Variants in TRAM1 observed in about 807,000 individuals in gnomAD.
TRAM1 encodes the protein translocation associated membrane protein 1, also known as translocating chain-associated membrane protein 1.
In TRAM1, 17 loss-of-function variants were observed where a neutral mutation model predicts 48.7. That is an observed-to-expected ratio of 0.35 (90% CI 0.24 to 0.52). The LOEUF is 0.52. Ranked by LOEUF, TRAM1 falls within the 20% of genes least tolerant of loss-of-function variation. The pLI is 0.94. For synonymous variants in TRAM1, 182 were observed against 154.0 expected, an observed-to-expected ratio of 1.18 and a Z score of -1.34; for missense variants, 351 against 441.5, an observed-to-expected ratio of 0.79 and a Z score of 1.84.
rs114406172 is a variant in TRAM1 at position 70,580,243 on chromosome 8, A to G, written c.1051+2921T>C. Among the ~76,000 whole-genome samples, 1,518 of 152,320 alleles carry G rather than the reference A, an allele frequency of 1.0e-2. 22 individuals carry two copies. Among genetic ancestry groups the G allele is most frequent in the African/African-American group, 0.035 (1,437 of 41,562 alleles). On this transcript the variant is annotated intron_variant, in intron 10 of 10. Transcript: ENST00000262213. ...ATCTTGATACTAAAACCAGACAACG[A>G]TGTTGCAAGAAAAATATACTCCAAT...
intron 9 of TRAM1, 75 bp downstream of exon 9, chr8:70,583,572 AGAT>A: frequency 6.6e-7 from 1 of 1,524,250 alleles, no homozygotes; most frequent in Non-Finnish European, 8.8e-7. Flanking sequence ...ATCCTTTTTT[AGAT>A]GATTCAATGT....
chr8:70,597,750 GTA>G, intron 4 of TRAM1, 143 bp downstream of exon 4: 1 of 370,342 alleles, frequency 2.7e-6, no homozygotes, highest in Non-Finnish European at 4.7e-6. Flanking sequence ...TTCTGAAACA[GTA>G]AACATAGTTT....
At chr8:70,602,780 C>T (rs1180311787) in intron 1 of TRAM1, among the ~76,000 whole-genome samples, 1 of 152,060 alleles carries the variant, frequency 6.6e-6, no homozygotes, top group East Asian at 1.9e-4. Context: ...AATTGAGAGG[C>T]ACCGAAAAGG....
At chr8:70,582,438 C>A (rs576399065) in intron 10 of TRAM1, among the ~76,000 whole-genome samples, 1 of 150,476 alleles carries the variant, frequency 6.6e-6, no homozygotes, top group African/African-American at 2.4e-5. Flanking sequence ...GGACTACAGG[C>A]ACCCCCCACT....
intron 2 of TRAM1, among the ~76,000 whole-genome samples, chr8:70,599,646 T>C (rs1410769378): frequency 6.6e-6 from 1 of 152,178 alleles, no homozygotes; most frequent in Non-Finnish European, 1.5e-5. Flanking sequence ...AAATGTAACT[T>C]ACAGAAAAAC....
At chr8:70,607,252 G>A (rs1817758204) in intron 1 of TRAM1, 1 of 985,026 alleles carries the variant, frequency 1.0e-6, no homozygotes. Flanking sequence ...TACTAGATAC[G>A]TGGGAAGAGA....
At chr8:70,576,484 A>C (rs1035567120) in intron 10 of TRAM1, among the ~76,000 whole-genome samples, 30 of 152,274 alleles carry the variant, frequency 2.0e-4, no homozygotes, top group African/African-American at 7.2e-4. Flanking sequence ...TGTATTTGCA[A>C]ATTTATATGA....
chr8:70,587,256 T>C (rs1817244023), intron 6 of TRAM1, 80 bp from the exon 7 acceptor site: 1 of 1,412,480 alleles, frequency 7.1e-7, no homozygotes, highest in Non-Finnish European at 9.7e-7. Context: ...TCTTGCTATG[T>C]TGCCCAGGTT....
intron 5 of TRAM1, 71 bp from the exon 6 acceptor site, chr8:70,594,661 G>T: frequency 8.2e-7 from 1 of 1,222,776 alleles, no homozygotes; most frequent in Non-Finnish European, 1.1e-6. Flanking sequence ...AACAAATACT[G>T]GAAATCAGGA....
intron 2 of TRAM1, among the ~76,000 whole-genome samples, chr8:70,599,421 C>T (rs1817559113): frequency 6.6e-6 from 1 of 152,166 alleles, no homozygotes; most frequent in Admixed American, 6.5e-5. Flanking sequence ...AATTATATCA[C>T]TGTATTAAAT....
intron 1 of TRAM1, 193 bp downstream of exon 1, chr8:70,607,884 G>A (rs1009497601): frequency 6.7e-6 from 4 of 595,504 alleles, no homozygotes; most frequent in African/African-American, 1.9e-5. Context: ...TTGCATCTCC[G>A]GGCCGGCCGC....
At chr8:70,581,985 G>T (rs1446043805) in intron 10 of TRAM1, among the ~76,000 whole-genome samples, 1 of 152,178 alleles carries the variant, frequency 6.6e-6, no homozygotes, top group Non-Finnish European at 1.5e-5. Flanking sequence ...ATGCTAAGGG[G>T]CATGGGGTTT....
chr8:70,575,227 G>GTGAC (rs1488907215), intron 10 of TRAM1, among the ~76,000 whole-genome samples: 4 of 152,098 alleles, frequency 2.6e-5, no homozygotes, highest in African/African-American at 9.7e-5. Flanking sequence ...GCAGAAAAAA[G>GTGAC]TGACAGCACA....
intron 6 of TRAM1, among the ~76,000 whole-genome samples, chr8:70,589,672 T>TA (rs1412729456): frequency 1.3e-5 from 2 of 151,966 alleles, no homozygotes; most frequent in Admixed American, 6.6e-5. Flanking sequence ...ACCCCATCTC[T>TA]AAAAAAATAC....
chr8:70,592,766 T>C (rs575221299), intron 6 of TRAM1, among the ~76,000 whole-genome samples: 1 of 152,334 alleles, frequency 6.6e-6, no homozygotes, highest in South Asian at 2.1e-4. Flanking sequence ...ATCAAGAAAC[T>C]ATGATACTCT....
intron 6 of TRAM1, among the ~76,000 whole-genome samples, chr8:70,588,831 G>GT (rs1383769670): frequency 7.2e-5 from 11 of 152,092 alleles, no homozygotes; most frequent in African/African-American, 2.7e-4. Context: ...AGTTTTCTTC[G>GT]TATGTATATT....
intron 1 of TRAM1, among the ~76,000 whole-genome samples, chr8:70,604,176 A>C (rs370256112): frequency 1.2e-4 from 18 of 152,368 alleles, no homozygotes; most frequent in African/African-American, 4.3e-4. Flanking sequence ...GATGCATCTT[A>C]AATAGGTTAC....
At chr8:70,603,403 C>T (rs547332552) in intron 1 of TRAM1, among the ~76,000 whole-genome samples, 1 of 152,180 alleles carries the variant, frequency 6.6e-6, no homozygotes, top group East Asian at 1.9e-4. Flanking sequence ...CACTGTCACA[C>T]CTAAGAACAC....
rs768265537 is a variant in TRAM1 at position 70,598,211 on chromosome 8, T to C, written c.232A>G (p.Lys78Glu). The C allele has an allele frequency of 6.2e-6, 10 of 1,613,000 alleles. No homozygotes were observed. Among genetic ancestry groups the C allele is most frequent in the African/African-American group, 1.3e-5 (1 of 74,870 alleles). ...ESVSLYYYGI[K>E]DLATVFFYML... ...TAGAAGAAAACAGTAGCCAAATCTT[T>C]GATGCCATAGTAATAAAGGGACACT... The change falls in exon 3 of 11, where the codon AAA becomes GAA. Residue 78 changes from lysine (K) to glutamate (E), a missense_variant. Transcript: ENST00000262213.
Sources: allele counts gnomAD v4.1 joint callset (sites outside exome capture counted in the v4.1 genomes callset), GRCh38; gene constraint gnomAD v4.1.1; transcripts MANE v1.5; gene names NCBI Gene and HGNC (gene_info 2026-07-23, HGNC 2026-07-21).